The following TBC1D32 variants were observed in gnomAD, a reference collection of about 807,000 sequenced individuals.
The protein encoded by TBC1D32 is TBC1 domain family member 32.
In TBC1D32, 151 loss-of-function variants were observed where a neutral mutation model predicts 170.3. That is an observed-to-expected ratio of 0.89 (90% CI 0.78 to 1.01). The LOEUF (loss-of-function observed/expected upper bound fraction) is 1.01, where lower values mean the gene tolerates loss of function less well. Among genes scored for constraint, TBC1D32 ranks in the 50% least tolerant of loss-of-function variants. TBC1D32 has a pLI of 0.00. For missense variants in TBC1D32, 1,464 were observed against 1,457.1 expected (o/e 1.00, Z -0.08); for synonymous variants, 498 against 488.0 (o/e 1.02, Z -0.27).
intron 8 of TBC1D32, 129 bp from the exon 9 acceptor site, chr6:121,303,890 G>T: frequency 1.8e-6 from 1 of 540,642 alleles, no homozygotes; most frequent in East Asian, 3.4e-5. Flanking sequence ...TGACAGGTAG[G>T]ATTCATACTC....
At chr6:121,329,088 T>C (rs894670800) in intron 1 of TBC1D32, among the ~76,000 whole-genome samples, 3 of 152,232 alleles carry the variant, frequency 2.0e-5, no homozygotes, top group Non-Finnish European at 4.4e-5. Context: ...TATTCATCAG[T>C]AGTAACTGAT....
chr6:121,243,266 G>A (rs1797208169), intron 17 of TBC1D32, among the ~76,000 whole-genome samples: 2 of 151,876 alleles, frequency 1.3e-5, no homozygotes, highest in Non-Finnish European at 2.9e-5. Flanking sequence ...TTGGAGGCTG[G>A]GTAAAAATAC....
At chr6:121,252,643 G>A (rs1159394571) in intron 17 of TBC1D32, among the ~76,000 whole-genome samples, 2 of 152,098 alleles carry the variant, frequency 1.3e-5, no homozygotes, top group African/African-American at 4.8e-5. Context: ...CCTAGATGAC[G>A]GGTTGATGGG....
intron 24 of TBC1D32, among the ~76,000 whole-genome samples, chr6:121,149,996 G>A (rs1258697430): frequency 3.3e-5 from 5 of 151,638 alleles, no homozygotes; most frequent in Non-Finnish European, 7.4e-5. Flanking sequence ...TGGATTCCTA[G>A]GTATTTTATA....
At chr6:121,303,997 T>C (rs1288964507) in intron 8 of TBC1D32, among the ~76,000 whole-genome samples, 1 of 151,922 alleles carries the variant, frequency 6.6e-6, no homozygotes, top group Non-Finnish European at 1.5e-5. Context: ...TACAACTTAG[T>C]ATAAATTTTA....
intron 2 of TBC1D32, among the ~76,000 whole-genome samples, chr6:121,319,121 T>C (rs1809335764): frequency 6.6e-6 from 1 of 151,344 alleles, no homozygotes; most frequent in East Asian, 1.9e-4. Flanking sequence ...TTAAAATATA[T>C]GTATTTAACA....
At position 121,287,265 on chromosome 6, in the gene TBC1D32, G is replaced by A. The variant is rs1407943385; in HGVS notation, c.1373-3355C>T. 2.6e-5 allele frequency among the ~76,000 whole-genome samples: 4 copies of A among 152,062 alleles called. No individual in the cohort carries two copies. In the East Asian group the frequency reaches 7.7e-4, roughly 29 times the overall value. Reference sequence around the variant, plus strand: ...GCTGTATTCAAGAAACCCACCTAACGTACAGAGAAACACATAGGCTGAAAA... The same window carrying A: ...GCTGTATTCAAGAAACCCACCTAACATACAGAGAAACACATAGGCTGAAAA... On this transcript the variant is annotated intron_variant, in intron 12 of 31. Coordinates refer to ENST00000398212, the MANE Select transcript of TBC1D32 (RefSeq NM_152730.6).
chr6:121,280,610 T>G lies in TBC1D32; in HGVS notation c.1608+934A>C, dbSNP rs557847540. The stretch of plus-strand genomic sequence containing the variant: ...CTAGTCTAAAGGGGAATTTTTCATA[T>G]GGACCAAGCGTAAAATTTTCTAGGG... On this transcript the variant is annotated intron_variant, in intron 14 of 31. Transcript: ENST00000398212. Among the ~76,000 whole-genome samples the G allele has an allele frequency of 4.4e-4, 67 of 151,938 alleles. 4 individuals carry two copies. In the South Asian group the frequency reaches 0.014, roughly 31 times the overall value.
chr6:121,245,276 C>T (rs1446420939), intron 17 of TBC1D32, among the ~76,000 whole-genome samples: 2 of 152,218 alleles, frequency 1.3e-5, no homozygotes, highest in Non-Finnish European at 2.9e-5. Context: ...CAGGTCACAT[C>T]ACTGAATCCT....
chr6:121,323,738 G>A (rs113123387), intron 1 of TBC1D32, among the ~76,000 whole-genome samples: 3,028 of 152,198 alleles, frequency 0.02, 108 homozygotes, highest in African/African-American at 0.067. Flanking sequence ...TCAGGAGATC[G>A]AGACCATCCT....
At chr6:121,286,797 T>G (rs1236718276) in intron 12 of TBC1D32, among the ~76,000 whole-genome samples, 3 of 152,182 alleles carry the variant, frequency 2.0e-5, no homozygotes, top group Non-Finnish European at 1.5e-5. Context: ...GACTAACAGT[T>G]GATCTCTCAG....
At chr6:121,171,322 A>T (rs990927645) in intron 22 of TBC1D32, among the ~76,000 whole-genome samples, 21 of 90,598 alleles carry the variant, frequency 2.3e-4, no homozygotes, top group Non-Finnish European at 4.0e-4. Flanking sequence ...CTTACAAGTT[A>T]AAAAAAAAAA....
At chr6:121,249,240 A>G (rs1268328722) in intron 17 of TBC1D32, among the ~76,000 whole-genome samples, 1 of 151,670 alleles carries the variant, frequency 6.6e-6, no homozygotes, top group African/African-American at 2.4e-5. Flanking sequence ...AATAAAAACA[A>G]AAAAAGCATG....
intron 24 of TBC1D32, among the ~76,000 whole-genome samples, chr6:121,133,880 C>T (rs1781721429): frequency 6.6e-6 from 1 of 151,870 alleles, no homozygotes; most frequent in African/African-American, 2.4e-5. Flanking sequence ...GAAAAATTAT[C>T]AAGCATTAAA....
Position 121,308,096 on chromosome 6 carries a change from T to A in TBC1D32, c.570A>T (p.Arg190Ser), listed in dbSNP as rs571743350. Residue 190 changes from arginine to serine, a missense_variant, in exon 5 of 32, where the codon AGA becomes AGT. Around this residue, in one of 3 missense-constraint regions of TBC1D32, gnomAD observed 1,363 missense variants for 1,338.1 expected, o/e 1.02. Transcript: ENST00000398212. ...QLDPGQPKEV[R>S]YEALQTLCSA... ...AACATAATGTTTGCAAGGCTTCATATCTCACCTACAATTTTTTTAAAAGAC... is the reference window on the plus strand; with the variant it reads ...AACATAATGTTTGCAAGGCTTCATAACTCACCTACAATTTTTTTAAAAGAC... The A allele has an allele frequency of 3.7e-6, 6 of 1,609,592 alleles. No homozygotes were observed. The South Asian group carries it at 6.7e-5, about 18-fold the overall frequency.
intron 20 of TBC1D32, among the ~76,000 whole-genome samples, chr6:121,235,433 G>C (rs957523477): frequency 2.0e-5 from 3 of 152,152 alleles, no homozygotes; most frequent in East Asian, 1.9e-4. Context: ...TGGCTGCTGT[G>C]GGGGATGGGT....
intron 22 of TBC1D32, among the ~76,000 whole-genome samples, chr6:121,173,628 A>C (rs1470617387): frequency 1.3e-5 from 2 of 151,608 alleles, no homozygotes; most frequent in Admixed American, 6.6e-5. Flanking sequence ...GTCACAAAAA[A>C]CTCTATTAAT....
chr6:121,096,870 C>T (rs1417865954), intron 30 of TBC1D32, among the ~76,000 whole-genome samples: 1 of 152,084 alleles, frequency 6.6e-6, no homozygotes, highest in African/African-American at 2.4e-5. Context: ...TTGAACAGAA[C>T]AGAGGCCTCA....
chr6:121,096,856 C>A (rs566906841), intron 30 of TBC1D32, among the ~76,000 whole-genome samples: 1 of 152,026 alleles, frequency 6.6e-6, no homozygotes, highest in East Asian at 1.9e-4. Context: ...GATATATAGA[C>A]CAATTGAACA....
Sources: gnomAD v4.1 joint callset for allele counts (sites outside exome capture counted in the v4.1 genomes callset) on GRCh38, gnomAD v4.1.1 for gene constraint, gnomAD v4.1.1 regional missense constraint, MANE v1.5 for transcripts, NCBI Gene and HGNC (gene_info 2026-07-23, HGNC 2026-07-21) for gene names.